Variants in TCOF1 observed in about 807,000 individuals in gnomAD.
The protein encoded by TCOF1 is treacle ribosome biogenesis factor 1.
In TCOF1, 33 loss-of-function variants were observed where a neutral mutation model predicts 149.0. The observed-to-expected ratio is 0.22, with a 90% CI of 0.17 to 0.30. TCOF1 has a LOEUF of 0.30. TCOF1 is among the 10% of genes least tolerant of loss of function. The probability of loss-of-function intolerance (pLI) is 1.00; values close to 1 mark genes in which losing one functional copy is unlikely to be tolerated. For synonymous variants in TCOF1, 789 were observed against 738.8 expected, an observed-to-expected ratio of 1.07 and a Z score of -1.10; for missense variants, 1,728 against 1,840.7, an observed-to-expected ratio of 0.94 and a Z score of 1.12.
At chr5:150,385,997 G>A (rs932530268) in intron 17 of TCOF1, among the ~76,000 whole-genome samples, 4 of 152,178 alleles carry the variant, frequency 2.6e-5, no homozygotes, top group African/African-American at 9.7e-5. Context: ...TTCATTAAAC[G>A]GGAAACTGAG....
chr5:150,396,898 C>T (rs1221154542), intron 24 of TCOF1, 56 bp downstream of exon 24: 42 of 1,543,670 alleles, frequency 2.7e-5, no homozygotes, highest in East Asian at 1.9e-4. Flanking sequence ...CCCACGGGGG[C>T]GGGAGGGACC....
chr5:150,384,681 T>G (rs1407991861), intron 17 of TCOF1: 2 of 982,026 alleles, frequency 2.0e-6, no homozygotes, highest in Non-Finnish European at 2.4e-6. Flanking sequence ...TGGAGTCTAT[T>G]TAAAAAGCAG....
At chr5:150,383,027 C>T in intron 17 of TCOF1, 2 of 1,495,320 alleles carry the variant, frequency 1.3e-6, no homozygotes, top group Non-Finnish European at 1.8e-6. Context: ...GCCCCACTCC[C>T]CGACCACGTG....
At chr5:150,367,658 G>C in intron 3 of TCOF1, 186 bp from the exon 4 acceptor site, 1 of 662,688 alleles carries the variant, frequency 1.5e-6, no homozygotes. Flanking sequence ...CTTCTCTCTT[G>C]CTCCTGGTGG....
rs947411478 is a variant in TCOF1 at position 150,392,603 on chromosome 5, G to T, written c.3518-102G>T. ...TGGTGAGGCGGGGCAGGGGATGGGGGTGAGGGACCTGCAGAGAGACCAGGG... is the reference window on the plus strand; with the variant it reads ...TGGTGAGGCGGGGCAGGGGATGGGGTTGAGGGACCTGCAGAGAGACCAGGG... On this transcript the variant is annotated intron_variant, in intron 21 of 26. Transcript: ENST00000643257. 3 of 1,128,926 alleles carry T rather than the reference G, an allele frequency of 2.7e-6. No homozygotes were observed. The African/African-American group carries it at 4.6e-5, about 17-fold the overall frequency. The allele number at this position is 1,128,926 out of a possible 1,614,324, so 69.9% of individuals were successfully genotyped here. A position where few individuals can be genotyped will look rare whatever the true frequency, so the allele number is the denominator to read the frequency against.
chr5:150,396,433 G>A lies in TCOF1; in HGVS notation c.3936G>A (p.Val1312=). The stretch of plus-strand genomic sequence containing the variant: ...CCTGGCCCCTGAATGAGGCCCAGGT[G>A]CAGGCCTCAGTGGTGAAGGTCCTGA... ...GQPWPLNEAQ[V]QASVVKVLTE... The change falls in exon 24 of 27, where the codon GTG becomes GTA. Residue 1312 remains valine, a synonymous_variant. Coordinates refer to ENST00000643257, the MANE Select transcript of TCOF1 (RefSeq NM_001371623.1). 6.2e-7 allele frequency: 1 copy of A among 1,614,090 alleles called. No homozygotes were observed. The highest frequency in any genetic ancestry group is 2.2e-5 in the East Asian group (1 of 44,858).
chr5:150,360,762 G>C (rs1759877788), intron 1 of TCOF1, among the ~76,000 whole-genome samples: 1 of 148,796 alleles, frequency 6.7e-6, no homozygotes, highest in African/African-American at 2.5e-5. Flanking sequence ...TTAAAGAAAG[G>C]GTCTTGCTCT....
At chr5:150,388,603 T>G (rs1240910610) in intron 18 of TCOF1, among the ~76,000 whole-genome samples, 1 of 152,198 alleles carries the variant, frequency 6.6e-6, no homozygotes, top group East Asian at 1.9e-4. Flanking sequence ...ACAGTTATTG[T>G]AACAGTTTTA....
At chr5:150,393,226 G>C in intron 22 of TCOF1, 146 bp from the exon 23 acceptor site, 1 of 913,674 alleles carries the variant, frequency 1.1e-6, no homozygotes, top group Non-Finnish European at 1.8e-6. Flanking sequence ...GCTGCTCTGT[G>C]CCTTGTTGTC....
intron 1 of TCOF1, 66 bp from the exon 2 acceptor site, chr5:150,361,090 C>T: frequency 6.2e-7 from 1 of 1,606,596 alleles, no homozygotes; most frequent in Non-Finnish European, 8.5e-7. Context: ...TTGGGGAGAT[C>T]TGGGCCCAAG....
chr5:150,398,049 A>G (rs35035730), intron 24 of TCOF1, among the ~76,000 whole-genome samples: 9,111 of 152,200 alleles, frequency 0.06, 359 homozygotes, highest in Middle Eastern at 0.13. Flanking sequence ...CAGCCCCCCA[A>G]ATAGCTGGGA....
Position 150,376,091 on chromosome 5 carries a change from G to A in TCOF1, c.1903G>A (p.Ala635Thr), listed in dbSNP as rs1763729582. ...AAMTAAQAKP[A>T]LKIPQTKACP... ...TTTGGTGTCCCCTCAGGCAAAACCA[G>A]CTCTGAAAATTCCTCAGACCAAGGC... Residue 635 changes from alanine (A) to threonine (T), a missense_variant, in exon 13 of 27, where the codon GCT (alanine) becomes ACT (threonine). This residue lies in a region of TCOF1 where 1,696 missense variants were observed against 1,765.4 expected (regional missense o/e 0.96). Coordinates refer to ENST00000643257, the MANE Select transcript of TCOF1 (RefSeq NM_001371623.1). 6.2e-7 allele frequency: 1 copy of A among 1,614,098 alleles called. No individual in the cohort carries two copies. Among genetic ancestry groups the A allele is most frequent in the African/African-American group, 1.3e-5 (1 of 74,946 alleles).
intron 3 of TCOF1, among the ~76,000 whole-genome samples, chr5:150,366,140 A>C (rs1369777776): frequency 6.7e-6 from 1 of 149,914 alleles, no homozygotes; most frequent in Non-Finnish European, 1.5e-5. Context: ...AAAAGGAAGA[A>C]GAGTCCTCGT....
At chr5:150,395,746 T>C (rs149779951) in intron 23 of TCOF1, among the ~76,000 whole-genome samples, 2 of 152,234 alleles carry the variant, frequency 1.3e-5, no homozygotes, top group African/African-American at 2.4e-5. Context: ...TAATCATCAG[T>C]TGAATGTCTG....
chr5:150,359,368 A>G (rs1336418571), intron 1 of TCOF1, among the ~76,000 whole-genome samples: 1 of 151,232 alleles, frequency 6.6e-6, no homozygotes, highest in African/African-American at 2.4e-5. Flanking sequence ...AAACGTCCAT[A>G]GTGGCTGAAG....
intron 18 of TCOF1, among the ~76,000 whole-genome samples, chr5:150,389,221 G>A (rs929540228): frequency 2.0e-5 from 3 of 152,090 alleles, no homozygotes; most frequent in African/African-American, 7.2e-5. Flanking sequence ...AATAATTACT[G>A]TTAACATTTG....
In TCOF1 at chr5:150,375,414, G is replaced by A. The variant is rs377510593; in HGVS notation, c.1564G>A (p.Gly522Ser). Residue 522 changes from glycine to serine, a missense_variant, in exon 11 of 27, where the codon GGC (glycine) becomes AGC (serine). Physicochemically the swap from Gly to Ser is moderately conservative, Grantham distance 56 (BLOSUM62 0). This residue lies in a region of TCOF1 where 1,696 missense variants were observed against 1,765.4 expected (regional missense o/e 0.96). Coordinates refer to ENST00000643257, the MANE Select transcript of TCOF1 (RefSeq NM_001371623.1). Reference protein sequence around the residue: ...MGMGPLGKGAGPVPPGKVGPA... With the variant: ...MGMGPLGKGASPVPPGKVGPA... ...CATGGGGCCCTTGGGGAAAGGCGCC[G>A]GCCCAGTGCCACCCGGGAAGGTGGG... 77 of 1,613,140 alleles carry A rather than the reference G, an allele frequency of 4.8e-5. No homozygotes were observed. The highest frequency in any genetic ancestry group is 1.3e-4 in the East Asian group (6 of 44,862).
chr5:150,381,629 C>T (rs1203879636), intron 17 of TCOF1, among the ~76,000 whole-genome samples: 1 of 152,244 alleles, frequency 6.6e-6, no homozygotes, highest in Non-Finnish European at 1.5e-5. Context: ...AAATGCCAGA[C>T]TAAGACATAG....
chr5:150,389,569 T>G (rs995754532), intron 18 of TCOF1, among the ~76,000 whole-genome samples: 1 of 152,330 alleles, frequency 6.6e-6, no homozygotes. Context: ...CGATTTTAAC[T>G]GCAAGGAGAG....
Sources: gnomAD v4.1 joint callset for allele counts (sites outside exome capture counted in the v4.1 genomes callset) on GRCh38, gnomAD v4.1.1 for gene constraint, gnomAD v4.1.1 regional missense constraint, MANE v1.5 for transcripts, NCBI Gene and HGNC (gene_info 2026-07-23, HGNC 2026-07-21) for gene names.